The following IBTK variants were observed in gnomAD, a reference collection of about 807,000 sequenced individuals.
IBTK encodes BTK-binding protein.
In IBTK, 83 loss-of-function variants were observed where a neutral mutation model predicts 154.9. The observed-to-expected ratio is 0.54, with a 90% CI of 0.45 to 0.64. IBTK has a LOEUF of 0.64. Among genes scored for constraint, IBTK ranks in the 30% least tolerant of loss-of-function variants. IBTK has a pLI of 0.00. For missense variants in IBTK, 1,332 were observed against 1,584.6 expected (o/e 0.84, Z 2.71); for synonymous variants, 515 against 536.1 (o/e 0.96, Z 0.54).
rs374998352 is a variant in IBTK at position 82,246,687 on chromosome 6, G to T, written c.-358+875C>A. Among the ~76,000 whole-genome samples, 15 of 152,178 alleles carry T rather than the reference G, an allele frequency of 9.9e-5. No individual in the cohort carries two copies. In the East Asian group the frequency reaches 2.9e-3, roughly 29 times the overall value. On this transcript the variant is annotated intron_variant, in intron 1 of 28. Coordinates refer to ENST00000306270, the MANE Select transcript of IBTK (RefSeq NM_015525.4). ...GTAATTATTTTTAGAAACCAGTTTT[G>T]TCCTCATCTACCTTGCCTCAATTTC...
At chr6:82,211,302 C>A (rs1457768554) in intron 15 of IBTK, 65 bp downstream of exon 15, 11 of 1,291,454 alleles carry the variant, frequency 8.5e-6, no homozygotes, top group Middle Eastern at 2.7e-4. Context: ...TTCTTTACTA[C>A]ATACTTTGCA....
intron 26 of IBTK, among the ~76,000 whole-genome samples, chr6:82,179,902 A>G (rs890594101): frequency 4.6e-5 from 7 of 152,214 alleles, no homozygotes; most frequent in African/African-American, 1.7e-4. Context: ...AATAGTTTTC[A>G]GGCTTCTGAA....
At chr6:82,235,230 G>A (rs1180863209) in intron 2 of IBTK, among the ~76,000 whole-genome samples, 4 of 152,116 alleles carry the variant, frequency 2.6e-5, no homozygotes, top group Non-Finnish European at 5.9e-5. Context: ...GTCCCTACAA[G>A]TCCCTAGCTC....
At chr6:82,191,020 C>A in intron 25 of IBTK, 53 bp downstream of exon 25, 2 of 1,355,884 alleles carry the variant, frequency 1.5e-6, no homozygotes, top group South Asian at 1.7e-5. Flanking sequence ...CAAGTACTAC[C>A]TTAAAAGCAA....
At chr6:82,180,537 G>A (rs1302260096) in intron 26 of IBTK, among the ~76,000 whole-genome samples, 2 of 152,104 alleles carry the variant, frequency 1.3e-5, no homozygotes, top group East Asian at 3.9e-4. Context: ...CAGGCATTAA[G>A]CCACTGAACT....
chr6:82,172,745 C>T, intron 27 of IBTK: 1 of 425,300 alleles, frequency 2.4e-6, no homozygotes, highest in Non-Finnish European at 4.1e-6. Flanking sequence ...TTTCCAGTGA[C>T]CTACGATGAG....
rs749735982 is a variant in IBTK, at chr6:82,227,179, A to G, written c.654+13T>C. 2.9e-5 allele frequency: 45 copies of G among 1,535,054 alleles called. No individual in the cohort carries two copies. Among genetic ancestry groups the G allele is most frequent in the Non-Finnish European group, 3.9e-5 (43 of 1,113,864 alleles). On this transcript the variant is annotated intron_variant, in intron 5 of 28. Coordinates refer to ENST00000306270, the MANE Select transcript of IBTK (RefSeq NM_015525.4). Reference sequence around the variant, plus strand: ...CTAAAGTTACCTAAATAGTGTAATGACATTTCAATTACCAAGCATGTCTGT... The same window carrying G: ...CTAAAGTTACCTAAATAGTGTAATGGCATTTCAATTACCAAGCATGTCTGT...
intron 25 of IBTK, among the ~76,000 whole-genome samples, chr6:82,187,747 A>G (rs1398929460): frequency 6.6e-6 from 1 of 152,170 alleles, no homozygotes; most frequent in African/African-American, 2.4e-5. Flanking sequence ...AAATTGTTTC[A>G]GTTTATTTAA....
intron 15 of IBTK, 119 bp from the exon 16 acceptor site, chr6:82,211,029 C>G: frequency 2.0e-6 from 1 of 489,902 alleles, no homozygotes; most frequent in Admixed American, 4.0e-5. Flanking sequence ...AAATGCAAAA[C>G]ATAAAATTTA....
At chr6:82,179,106 C>T (rs1768222080) in intron 26 of IBTK, among the ~76,000 whole-genome samples, 1 of 152,220 alleles carries the variant, frequency 6.6e-6, no homozygotes. Flanking sequence ...GGTGAAGTAT[C>T]ACACCAGACT....
intron 4 of IBTK, among the ~76,000 whole-genome samples, chr6:82,227,697 G>A (rs1770345660): frequency 6.6e-6 from 1 of 151,942 alleles, no homozygotes; most frequent in African/African-American, 2.4e-5. Flanking sequence ...ACCAAATAGT[G>A]ATATATGGTA....
chr6:82,212,665 A>C (rs1769696385), intron 13 of IBTK, 42 bp downstream of exon 13: 2 of 1,345,320 alleles, frequency 1.5e-6, no homozygotes, highest in African/African-American at 2.9e-5. Flanking sequence ...CTTAAGTGCC[A>C]AAATCCAGAC....
At chr6:82,196,121 A>T (rs1446873052) in intron 22 of IBTK, among the ~76,000 whole-genome samples, 177 bp downstream of exon 22, 2 of 152,224 alleles carry the variant, frequency 1.3e-5, no homozygotes, top group African/African-American at 2.4e-5. Flanking sequence ...CTGCCATTAC[A>T]ATCTCTAAAA....
intron 24 of IBTK, chr6:82,191,529 A>G: frequency 1.7e-6 from 1 of 576,082 alleles, no homozygotes; most frequent in Non-Finnish European, 3.1e-6. Context: ...TTTGTAGCCA[A>G]TAGTCCACAA....
intron 3 of IBTK, among the ~76,000 whole-genome samples, chr6:82,232,671 C>CA (rs1182317024): frequency 6.6e-6 from 1 of 152,122 alleles, no homozygotes; most frequent in Non-Finnish European, 1.5e-5. Context: ...TTCCAAATCT[C>CA]AAAGAGCAAA....
Position 82,213,816 on chromosome 6 carries a change from T to C in IBTK, c.2204+411A>G, listed in dbSNP as rs113748994. 3.1e-3 allele frequency among the ~76,000 whole-genome samples: 464 copies of C among 150,672 alleles called. 4 individuals are homozygous for C. The highest frequency in any genetic ancestry group is 0.01 in the African/African-American group (428 of 40,934). ...CGCAAATGGAGGAAAGACATATCCA[T>C]GTACCTCCCCAAAAAAAGGATGGGT... On this transcript the variant is annotated intron_variant, in intron 12 of 28. Transcript: ENST00000306270.
chr6:82,244,612 C>T (rs938808900), intron 1 of IBTK, among the ~76,000 whole-genome samples: 2 of 152,070 alleles, frequency 1.3e-5, no homozygotes, highest in East Asian at 1.9e-4. Flanking sequence ...TTAACTCTAC[C>T]GTACACATGA....
At chr6:82,172,589 A>T in intron 27 of IBTK, 77 bp from the exon 28 acceptor site, 1 of 1,340,156 alleles carries the variant, frequency 7.5e-7, no homozygotes, top group Non-Finnish European at 1.0e-6. Flanking sequence ...AATACTTTTT[A>T]GCAATGCTAC....
At chr6:82,207,836 T>A (rs1769469626) in intron 16 of IBTK, among the ~76,000 whole-genome samples, 1 of 152,174 alleles carries the variant, frequency 6.6e-6, no homozygotes, top group Non-Finnish European at 1.5e-5. Context: ...AAAACAAATG[T>A]CTTTTCAACA....
Sources: allele counts gnomAD v4.1 joint callset (sites outside exome capture counted in the v4.1 genomes callset), GRCh38; gene constraint gnomAD v4.1.1; transcripts MANE v1.5; gene names NCBI Gene and HGNC (gene_info 2026-07-23, HGNC 2026-07-21).